Variants in KDM4C observed in about 807,000 individuals in gnomAD.
KDM4C encodes lysine-specific demethylase 4C.
A neutral mutation model predicts 129.3 loss-of-function variants in KDM4C; 81 were observed. The ratio of observed to expected loss-of-function variants is 0.63; its 90% CI spans 0.52 to 0.75. KDM4C has a LOEUF of 0.75. KDM4C is among the 30% of genes least tolerant of loss of function. The probability of loss-of-function intolerance (pLI) is 0.00; values close to 1 mark genes in which losing one functional copy is unlikely to be tolerated. For synonymous variants in KDM4C, 573 were observed against 456.1 expected (o/e 1.26, Z -3.26); for missense variants, 1,457 against 1,304.0 (o/e 1.12, Z -1.81).
chr9:6,805,543 C>A, intron 2 of KDM4C, 56 bp from the exon 3 acceptor site: 1 of 1,237,136 alleles, frequency 8.1e-7, no homozygotes, highest in Non-Finnish European at 1.1e-6. Flanking sequence ...TACTTAAAAG[C>A]TAAATTACTT....
intron 8 of KDM4C, among the ~76,000 whole-genome samples, chr9:6,961,719 A>G (rs1048245764): frequency 6.6e-6 from 1 of 151,380 alleles, no homozygotes; most frequent in African/African-American, 2.4e-5. Context: ...CTGTCAAACA[A>G]AAACAAAAAT....
At chr9:6,965,472 G>GAT (rs1830796394) in intron 8 of KDM4C, among the ~76,000 whole-genome samples, 2 of 152,090 alleles carry the variant, frequency 1.3e-5, no homozygotes, top group Admixed American at 1.3e-4. Flanking sequence ...ATACCAGCAG[G>GAT]ATATGTGTGT....
In KDM4C at chr9:6,925,336, C is replaced by T. The variant is rs552577374; in HGVS notation, c.921+32104C>T. On this transcript the variant is annotated intron_variant, in intron 8 of 21. Transcript: ENST00000381309. ...GAGACACAAGCTTTCATCAGTTGGG[C>T]GTCTTCATTTTCTTTTGGCGAAGAG... is the stretch of plus-strand genomic sequence containing the variant. 41 of 985,280 alleles carry T rather than the reference C, an allele frequency of 4.2e-5. No individual in the cohort carries two copies. In the South Asian group the frequency reaches 5.2e-4, roughly 12 times the overall value. 61.0% of individuals were successfully genotyped at this position (985,280 alleles called of 1,614,324 possible).
At position 7,016,425 on chromosome 9, in the gene KDM4C, C is replaced by CTTTTTTTT. The variant is rs759501262; in HGVS notation, c.2259+508_2259+515dup. On this transcript the variant is annotated intron_variant, in intron 15 of 21. Coordinates refer to ENST00000381309, the MANE Select transcript of KDM4C (RefSeq NM_015061.6). ...TACAGGCGGGAGCCACTGTTCCTGG[C>CTTTTTTTT]TTTTTTTTTTTTTTTTTTTGAGATG... is the stretch of plus-strand genomic sequence containing the variant. Among the ~76,000 whole-genome samples, 6 of 102,712 alleles carry CTTTTTTTT rather than the reference C, an allele frequency of 5.8e-5. 2 individuals carry two copies. Among genetic ancestry groups the CTTTTTTTT allele is most frequent in the Non-Finnish European group, 9.1e-5 (5 of 55,038 alleles). The allele number at this position is 102,712 out of a possible 152,430, so 67.4% of individuals were successfully genotyped here.
intron 6 of KDM4C, among the ~76,000 whole-genome samples, chr9:6,887,689 A>G (rs1845503522): frequency 6.6e-6 from 1 of 152,204 alleles, no homozygotes; most frequent in Non-Finnish European, 1.5e-5. Context: ...TCAAATTGAA[A>G]TTTATTCCTA....
At chr9:6,761,699 A>G (rs1417034896) in intron 1 of KDM4C, among the ~76,000 whole-genome samples, 2 of 152,180 alleles carry the variant, frequency 1.3e-5, no homozygotes, top group Non-Finnish European at 2.9e-5. Context: ...CTCTATATTT[A>G]GTGATAAGAT....
intron 4 of KDM4C, among the ~76,000 whole-genome samples, chr9:6,837,381 A>G (rs1836074663): frequency 6.6e-6 from 1 of 152,178 alleles, no homozygotes; most frequent in Admixed American, 6.5e-5. Context: ...AGACAGCTTT[A>G]TTGAGCTATA....
At chr9:7,076,861 C>G (rs1319491151) in intron 17 of KDM4C, 6 of 1,000,604 alleles carry the variant, frequency 6.0e-6, no homozygotes, top group Non-Finnish European at 3.6e-6. Context: ...CAAGGTGCAT[C>G]AGGTTAATGA....
At chr9:7,047,998 TATTAC>T (rs1298258886) in intron 16 of KDM4C, among the ~76,000 whole-genome samples, 1 of 152,078 alleles carries the variant, frequency 6.6e-6, no homozygotes, top group East Asian at 1.9e-4. Flanking sequence ...TATTTATCAT[TATTAC>T]ATTAATAAAA....
chr9:6,810,768 G>C (rs1191372852), intron 3 of KDM4C, among the ~76,000 whole-genome samples: 1 of 152,036 alleles, frequency 6.6e-6, no homozygotes, highest in Non-Finnish European at 1.5e-5. Flanking sequence ...CTACTCGGGA[G>C]GCTGAGGCAG....
intron 5 of KDM4C, among the ~76,000 whole-genome samples, chr9:6,876,387 G>A (rs1588878695): frequency 6.6e-6 from 1 of 152,174 alleles, no homozygotes; most frequent in South Asian, 2.1e-4. Context: ...ATATGACTCA[G>A]TCGATCTGTT....
intron 19 of KDM4C, among the ~76,000 whole-genome samples, chr9:7,128,768 C>T (rs1056916607): frequency 4.0e-5 from 6 of 151,522 alleles, no homozygotes; most frequent in African/African-American, 1.5e-4. Context: ...GAGACTAGAA[C>T]TCTGTGTGTG....
At chr9:6,991,307 C>T (rs560584138) in intron 12 of KDM4C, among the ~76,000 whole-genome samples, 1 of 152,136 alleles carries the variant, frequency 6.6e-6, no homozygotes, top group South Asian at 2.1e-4. Context: ...TAGTCTTGAA[C>T]TCCTGAGCTC....
chr9:6,769,942 A>G (rs1225951211), intron 1 of KDM4C, among the ~76,000 whole-genome samples: 1 of 152,134 alleles, frequency 6.6e-6, no homozygotes. Context: ...GCACTTTGGG[A>G]GGTTGAGGCG....
chr9:6,860,698 G>A (rs866645005), intron 5 of KDM4C, among the ~76,000 whole-genome samples: 1 of 152,180 alleles, frequency 6.6e-6, no homozygotes, highest in Admixed American at 6.5e-5. Flanking sequence ...CTGTAACACA[G>A]TCCTCTTTAG....
chr9:7,157,930 G>A (rs1270062000), intron 19 of KDM4C, among the ~76,000 whole-genome samples: 1 of 152,162 alleles, frequency 6.6e-6, no homozygotes, highest in African/African-American at 2.4e-5. Context: ...AGAAAGAATG[G>A]GACCAGCTCC....
chr9:6,892,585 T>G (rs1846253936), intron 7 of KDM4C, among the ~76,000 whole-genome samples: 1 of 152,214 alleles, frequency 6.6e-6, no homozygotes, highest in Non-Finnish European at 1.5e-5. Flanking sequence ...TGTGCTTAAT[T>G]GAATGTTTTC....
chr9:7,095,544 G>A (rs1031993314), intron 17 of KDM4C, among the ~76,000 whole-genome samples: 7 of 151,330 alleles, frequency 4.6e-5, no homozygotes, highest in African/African-American at 7.3e-5. Context: ...TGTTCTTGGA[G>A]CAATAGAGAG....
chr9:6,940,006 CTT>C, intron 8 of KDM4C, among the ~76,000 whole-genome samples: 1 of 129,088 alleles, frequency 7.7e-6, no homozygotes, highest in African/African-American at 2.8e-5. Flanking sequence ...TCCTTCCTTC[CTT>C]CCTTCCTTCC....
Sources: gnomAD v4.1 joint callset for allele counts (sites outside exome capture counted in the v4.1 genomes callset) on GRCh38, gnomAD v4.1.1 for gene constraint, MANE v1.5 for transcripts, NCBI Gene and HGNC (gene_info 2026-07-23, HGNC 2026-07-21) for gene names.